Variants in MAEA observed in about 807,000 individuals in gnomAD.
The protein encoded by MAEA is macrophage erythroblast attacher, E3 ubiquitin ligase.
MAEA carries 22 observed loss-of-function variants against 46.2 expected under a neutral mutation model. The ratio of observed to expected loss-of-function variants is 0.48; its 90% CI spans 0.34 to 0.68. The LOEUF (loss-of-function observed/expected upper bound fraction) is 0.68, where lower values mean the gene tolerates loss of function less well. MAEA is among the 30% of genes least tolerant of loss of function. The pLI, the probability that MAEA is intolerant of heterozygous loss-of-function variation, is 0.01. For synonymous variants in MAEA, 246 were observed against 222.6 expected, an observed-to-expected ratio of 1.11 and a Z score of -0.94; for missense variants, 393 against 558.1, an observed-to-expected ratio of 0.70 and a Z score of 2.98.
At chr4:1,294,498 T>C (rs1191793311) in intron 1 of MAEA, among the ~76,000 whole-genome samples, 1 of 152,126 alleles carries the variant, frequency 6.6e-6, no homozygotes, top group Non-Finnish European at 1.5e-5. Context: ...AGTACTGACG[T>C]GAGGCCTGGA....
Position 1,298,083 on chromosome 4 carries a change from C to T in MAEA, c.69+8101C>T, listed in dbSNP as rs374982939. 39 of 456,336 alleles carry T rather than the reference C, an allele frequency of 8.5e-5. No homozygotes were observed. In the East Asian group the frequency reaches 2.4e-3, roughly 28 times the overall value. The allele number at this position is 456,336 out of a possible 1,614,324, so 28.3% of individuals were successfully genotyped here. ...AGTACTGCCTGGCAGCATAGCCATG[C>T]TTCTTGAGGCATTTTAGCACCCTGT... On this transcript the variant is annotated intron_variant, in intron 1 of 8. Transcript: ENST00000303400.
chr4:1,315,512 A>G lies in MAEA; in HGVS notation c.368A>G (p.Lys123Arg), dbSNP rs1363996056. The G allele has an allele frequency of 6.2e-7, 1 of 1,613,766 alleles. No homozygotes were observed. Among genetic ancestry groups the G allele is most frequent in the Non-Finnish European group, 8.5e-7 (1 of 1,179,958 alleles). The change falls in exon 3 of 9, where the codon AAG becomes AGG. Residue 123 changes from lysine (K) to arginine (R), a missense_variant. Coordinates refer to ENST00000303400, the MANE Select transcript of MAEA (RefSeq NM_001017405.3). Reference protein sequence around the residue: ...QPAAASVWKRKRMDRMMVEHL... With the variant: ...QPAAASVWKRRRMDRMMVEHL... ...GCGGCGGCCAGCGTGTGGAAGAGGA[A>G]GCGCATGGATCGCATGATGGTGGAG...
intron 1 of MAEA, chr4:1,309,946 G>A: frequency 3.1e-6 from 4 of 1,270,424 alleles, no homozygotes; most frequent in Non-Finnish European, 4.0e-6. Context: ...ATGCAGCTAA[G>A]GGACGTCCAG....
chr4:1,332,488 G>A (rs987457384), intron 5 of MAEA: 2 of 341,434 alleles, frequency 5.9e-6, no homozygotes, highest in Non-Finnish European at 1.1e-5. Flanking sequence ...GCCGGGGCAG[G>A]AAGATGGCTT....
chr4:1,294,370 T>C (rs1351074932), intron 1 of MAEA, among the ~76,000 whole-genome samples: 1 of 152,242 alleles, frequency 6.6e-6, no homozygotes, highest in African/African-American at 2.4e-5. Flanking sequence ...AATTCACTGC[T>C]AGCTGGGGGG....
At chr4:1,338,179 G>C (rs1312055750) in intron 7 of MAEA, 1 of 487,130 alleles carries the variant, frequency 2.1e-6, no homozygotes, top group Admixed American at 3.4e-5. Context: ...CTCTGTGCCT[G>C]TGGTCCTGGT....
chr4:1,338,627 G>T lies in MAEA; in HGVS notation c.1095+10G>T. 1 of 1,592,674 alleles carries T rather than the reference G, an allele frequency of 6.3e-7. No homozygotes were observed. The highest frequency in any genetic ancestry group is 1.7e-4 in the Middle Eastern group (1 of 6,026). ...CGTCTACGGCTACAATGTGAGGGGGGCAGGGCAGGGGGGCCAGGCTGGCAC... is the reference window on the plus strand; with the variant it reads ...CGTCTACGGCTACAATGTGAGGGGGTCAGGGCAGGGGGGCCAGGCTGGCAC... On this transcript the variant is annotated intron_variant, in intron 8 of 8. Coordinates refer to ENST00000303400, the MANE Select transcript of MAEA (RefSeq NM_001017405.3).
chr4:1,323,571 A>T, intron 4 of MAEA: 1 of 702,500 alleles, frequency 1.4e-6, no homozygotes, highest in Non-Finnish European at 2.6e-6. Context: ...GAGAGTTTGG[A>T]CCTTGGTATG....
At chr4:1,334,982 C>G (rs929971758) in intron 6 of MAEA, 24 of 985,322 alleles carry the variant, frequency 2.4e-5, no homozygotes, top group Admixed American at 6.1e-5. Flanking sequence ...CTTACAGAGA[C>G]TGATGGGTGA....
rs549281961 is a variant in MAEA at position 1,290,036 on chromosome 4, C to G, written c.69+54C>G. 1.9e-5 allele frequency: 27 copies of G among 1,422,218 alleles called. No homozygotes were observed. In the African/African-American group the frequency reaches 3.4e-4, roughly 18 times the overall value. 88.1% of individuals were successfully genotyped at this position (1,422,218 alleles called of 1,614,324 possible). On this transcript the variant is annotated intron_variant, in intron 1 of 8. Coordinates refer to ENST00000303400, the MANE Select transcript of MAEA (RefSeq NM_001017405.3). ...GCAGCGAAGGCGTCTCCAGCCAGTG[C>G]CCTCGGGCCGCGAGGGGCCGCCCCG...
intron 4 of MAEA, chr4:1,323,497 C>T (rs1455917020): frequency 4.3e-6 from 3 of 702,544 alleles, no homozygotes; most frequent in Non-Finnish European, 7.8e-6. Context: ...CCACTCAGGG[C>T]CGCCAAAACA....
intron 4 of MAEA, among the ~76,000 whole-genome samples, chr4:1,322,963 T>A (rs1738339444): frequency 1.4e-5 from 2 of 144,232 alleles, no homozygotes. Flanking sequence ...TTTTTTTTTT[T>A]TTTTTTTTTT....
In MAEA at chr4:1,338,788, G is replaced by C. The variant is rs2109023479; in HGVS notation, c.1095+171G>C. On this transcript the variant is annotated intron_variant, in intron 8 of 8. Transcript: ENST00000303400. ...CTGGCACGCGTCGCCATCGGGACAG[G>C]GCTGTGTGGGGCGGGCAGGGCAGCG... 6.7e-6 allele frequency: 5 copies of C among 750,676 alleles called. 1 individual carries two copies. In the South Asian group the frequency reaches 9.1e-5, roughly 14 times the overall value. 46.5% of individuals were successfully genotyped at this position (750,676 alleles called of 1,614,324 possible). A position where few individuals can be genotyped will look rare whatever the true frequency, so the allele number is the denominator to read the frequency against.
chr4:1,327,886 A>G (rs1739050841), intron 5 of MAEA, among the ~76,000 whole-genome samples, 183 bp downstream of exon 5: 1 of 152,042 alleles, frequency 6.6e-6, no homozygotes, highest in Admixed American at 6.5e-5. Flanking sequence ...GGACTTGGGG[A>G]GTGAGGCCTG....
intron 6 of MAEA, 114 bp downstream of exon 6, chr4:1,332,979 A>G (rs1712048492): frequency 3.0e-6 from 2 of 666,912 alleles, no homozygotes; most frequent in African/African-American, 3.7e-5. Flanking sequence ...CATCCCAGCC[A>G]CACAGCCTGT....
chr4:1,333,538 G>A (rs1252183074), intron 6 of MAEA, among the ~76,000 whole-genome samples: 6 of 152,032 alleles, frequency 3.9e-5, no homozygotes, highest in African/African-American at 7.3e-5. Flanking sequence ...TGGAGCCTCC[G>A]ACTCTCCGCG....
intron 1 of MAEA, among the ~76,000 whole-genome samples, chr4:1,300,305 T>C (rs1165995203): frequency 1.3e-5 from 2 of 152,216 alleles, no homozygotes; most frequent in African/African-American, 4.8e-5. Context: ...TTGTTCTTTT[T>C]GTGTTTGATA....
At chr4:1,310,614 A>T (rs549942483) in intron 1 of MAEA, among the ~76,000 whole-genome samples, 1 of 152,350 alleles carries the variant, frequency 6.6e-6, no homozygotes, top group African/African-American at 2.4e-5. Context: ...CCTGCTCGGT[A>T]GCAGACGGTG....
Position 1,339,550 on chromosome 4 carries a change from C to T in MAEA, c.*381C>T, listed in dbSNP as rs541550613. On this transcript the variant is annotated 3_prime_UTR_variant, in exon 9 of 9. Coordinates refer to ENST00000303400, the MANE Select transcript of MAEA (RefSeq NM_001017405.3). The stretch of plus-strand genomic sequence containing the variant: ...TCTGTGAACGATGAGACTTGGAGAA[C>T]GGGCTGGTCCTTCACCACTTCCTGT... 45 of 241,760 alleles carry T rather than the reference C, an allele frequency of 1.9e-4. No individual in the cohort carries two copies. The highest frequency in any genetic ancestry group is 1.1e-3 in the East Asian group (9 of 8,246). The allele number at this position is 241,760 out of a possible 1,614,324, so 15.0% of individuals were successfully genotyped here. A position where few individuals can be genotyped will look rare whatever the true frequency, so the allele number is the denominator to read the frequency against.
Sources: allele counts gnomAD v4.1 joint callset (sites outside exome capture counted in the v4.1 genomes callset), GRCh38; gene constraint gnomAD v4.1.1; transcripts MANE v1.5; gene names NCBI Gene and HGNC (gene_info 2026-07-23, HGNC 2026-07-21).